The following CDC42EP4 variants were observed in gnomAD, a reference collection of about 807,000 sequenced individuals.
CDC42EP4 encodes the protein CDC42 effector protein (Rho GTPase binding) 4.
Under a neutral mutation model 5.6 loss-of-function variants are expected in CDC42EP4, and 6 were observed. The observed-to-expected ratio is 1.07, with a 90% confidence interval of 0.59 to 2.12. The LOEUF (loss-of-function observed/expected upper bound fraction) is 2.12, where lower values mean the gene tolerates loss of function less well. CDC42EP4 is among the 30% of genes most tolerant of loss of function. The probability of loss-of-function intolerance (pLI) is 0.00; values close to 1 mark genes in which losing one functional copy is unlikely to be tolerated. For synonymous variants in CDC42EP4, 230 were observed against 224.2 expected (o/e 1.03, Z -0.23); for missense variants, 490 against 508.6 (o/e 0.96, Z 0.35).
Position 73,285,370 on chromosome 17 carries a change from T to G in CDC42EP4, c.*60A>C, listed in dbSNP as rs186652181. The G allele has an allele frequency of 4.7e-3, 6,381 of 1,356,740 alleles. 32 individuals carry two copies. The highest frequency in any genetic ancestry group is 9.7e-3 in the Middle Eastern group (51 of 5,284). 84.0% of individuals were successfully genotyped at this position (1,356,740 alleles called of 1,614,324 possible). On this transcript the variant is annotated 3_prime_UTR_variant, in exon 2 of 2. Coordinates refer to ENST00000335793, the MANE Select transcript of CDC42EP4 (RefSeq NM_012121.5). The surrounding 1 kb of genome is among the most constrained non-coding windows in gnomAD (Gnocchi z 6.8). ...TGCGCCGTAGGGTCAAAGGTCATAG[T>G]GGGGTGGGGGCAGGGAGAAGATGCA...
intron 1 of CDC42EP4, among the ~76,000 whole-genome samples, chr17:73,309,038 C>CCAAAAAAAA (rs555502875): frequency 2.9e-5 from 1 of 33,994 alleles, no homozygotes; most frequent in Non-Finnish European, 4.9e-5. Flanking sequence ...GCTCTGTCTC[C>CCAAAAAAAA]AAAAAAAAAA....
rs549810447 is a variant in CDC42EP4, at chr17:73,308,311, C to T, written c.-113+3582G>A. Among the ~76,000 whole-genome samples, 56 of 152,278 alleles carry T rather than the reference C, an allele frequency of 3.7e-4. No individual in the cohort carries two copies. The East Asian group carries it at 6.0e-3, about 16-fold the overall frequency. ...TCCAGTACGTAGGTCAGAAGAGCTACGCAGAGCTCAGGTCAGCTCTGTTTC... is the reference window on the plus strand; with the variant it reads ...TCCAGTACGTAGGTCAGAAGAGCTATGCAGAGCTCAGGTCAGCTCTGTTTC... On this transcript the variant is annotated intron_variant, in intron 1 of 1. Transcript: ENST00000335793.
chr17:73,292,672 G>T (rs1157196562), intron 1 of CDC42EP4, among the ~76,000 whole-genome samples: 1 of 152,244 alleles, frequency 6.6e-6, no homozygotes, highest in Non-Finnish European at 1.5e-5. Flanking sequence ...CAAATGATGA[G>T]AAGGAACCAG....
rs746797027 is a variant in CDC42EP4, at chr17:73,286,452, G to A, written c.49C>T (p.Arg17Cys). 24 of 1,609,804 alleles carry A rather than the reference G, an allele frequency of 1.5e-5. No individual in the cohort carries two copies. Among genetic ancestry groups the A allele is most frequent in the East Asian group, 4.5e-5 (2 of 44,788 alleles). Residue 17 changes from arginine to cysteine, a missense_variant, in exon 2 of 2, where the codon CGT (arginine) becomes TGT (cysteine). Physicochemically the swap from Arg to Cys is radical, Grantham distance 180. Transcript: ENST00000335793. The surrounding 1 kb of genome is among the most constrained non-coding windows in gnomAD (Gnocchi z 7.7). ...TCGGCCGTGAGGTCCGCTCGGGAAC[G>A]GCGCTTGGAGTGCACCGAGCTGGAC... ...LVSSSVHSKR[R>C]SRADLTAEMI...
intron 1 of CDC42EP4, among the ~76,000 whole-genome samples, chr17:73,302,636 C>A (rs947601824): frequency 3.9e-5 from 6 of 152,082 alleles, no homozygotes; most frequent in African/African-American, 1.4e-4. Context: ...CACCATGTTG[C>A]CTAGCCAAGT....
intron 1 of CDC42EP4, among the ~76,000 whole-genome samples, chr17:73,309,112 G>C (rs145922232): frequency 6.9e-6 from 1 of 144,818 alleles, no homozygotes; most frequent in African/African-American, 2.5e-5. Flanking sequence ...TTGAGAGGCC[G>C]AGGTGGGGGA....
intron 1 of CDC42EP4, chr17:73,311,237 G>C (rs898304634): frequency 2.0e-5 from 3 of 152,198 alleles, no homozygotes; most frequent in African/African-American, 4.8e-5. Flanking sequence ...AAGGGTTCGC[G>C]GGGCGGGAGT....
chr17:73,307,021 GCA>G (rs1268320921), intron 1 of CDC42EP4: 1 of 152,284 alleles, frequency 6.6e-6, no homozygotes, highest in African/African-American at 2.4e-5. Flanking sequence ...CTCTGGCTGA[GCA>G]CAGACATCCA....
chr17:73,290,678 C>T (rs185026979), intron 1 of CDC42EP4, among the ~76,000 whole-genome samples: 113 of 152,308 alleles, frequency 7.4e-4, no homozygotes, highest in Non-Finnish European at 1.3e-3. Flanking sequence ...CAGGTATGCT[C>T]ACCAGGTAAA....
chr17:73,292,064 C>T (rs1420006492), intron 1 of CDC42EP4, among the ~76,000 whole-genome samples: 8 of 152,220 alleles, frequency 5.3e-5, no homozygotes, highest in Non-Finnish European at 1.5e-5. Flanking sequence ...AGTGGCCTGT[C>T]CCTGGCAGCT....
intron 1 of CDC42EP4, among the ~76,000 whole-genome samples, chr17:73,303,714 G>A (rs1178895169): frequency 6.6e-6 from 1 of 151,306 alleles, no homozygotes; most frequent in East Asian, 1.9e-4. Flanking sequence ...TTAAAAACAT[G>A]GCTCCTAGAA....
chr17:73,298,962 CTT>C (rs111475787), intron 1 of CDC42EP4, among the ~76,000 whole-genome samples: 9 of 145,172 alleles, frequency 6.2e-5, no homozygotes, highest in Admixed American at 6.9e-5. Context: ...CATCTCACAG[CTT>C]TTTTTTTTTT....
chr17:73,295,872 T>C (rs1390154698), intron 1 of CDC42EP4, among the ~76,000 whole-genome samples: 1 of 139,688 alleles, frequency 7.2e-6, no homozygotes, highest in Non-Finnish European at 1.5e-5. Context: ...GCCATTGCAC[T>C]CCAGCCCAGG....
At chr17:73,305,536 C>T (rs557657725) in intron 1 of CDC42EP4, among the ~76,000 whole-genome samples, 26 of 152,234 alleles carry the variant, frequency 1.7e-4, no homozygotes, top group Non-Finnish European at 2.8e-4. Flanking sequence ...AAACTCCCTC[C>T]AGAGCAGACA....
At chr17:73,287,142 G>T (rs1435059359) in intron 1 of CDC42EP4, among the ~76,000 whole-genome samples, 1 of 152,170 alleles carries the variant, frequency 6.6e-6, no homozygotes, top group African/African-American at 2.4e-5. Flanking sequence ...GACAGGACGG[G>T]CTCAGGGAGA....
intron 1 of CDC42EP4, among the ~76,000 whole-genome samples, chr17:73,305,171 T>G (rs2062238565): frequency 6.6e-6 from 1 of 152,188 alleles, no homozygotes; most frequent in African/African-American, 2.4e-5. Context: ...CTCAAGGACA[T>G]CCGGCAACTT....
chr17:73,305,324 C>T (rs1300696365), intron 1 of CDC42EP4, among the ~76,000 whole-genome samples: 3 of 152,244 alleles, frequency 2.0e-5, no homozygotes, highest in East Asian at 1.9e-4. Context: ...GCTGGGCCCT[C>T]CTCCTCTAGG....
Position 73,284,128 on chromosome 17 carries a change from G to A in CDC42EP4, c.*1302C>T, listed in dbSNP as rs543284776. Reference sequence around the variant, plus strand: ...ATAAGTGTTCCAAATATTGCGTGGGGCATATTAATGCTAGAAAATTATCTT... The same window carrying A: ...ATAAGTGTTCCAAATATTGCGTGGGACATATTAATGCTAGAAAATTATCTT... On this transcript the variant is annotated 3_prime_UTR_variant, in exon 2 of 2. Transcript: ENST00000335793. 3.9e-5 allele frequency: 6 copies of A among 152,300 alleles called. No individual in the cohort carries two copies. Among genetic ancestry groups the A allele is most frequent in the Admixed American group, 1.3e-4 (2 of 15,298 alleles). The allele number at this position is 152,300 out of a possible 1,614,324, so 9.4% of individuals were successfully genotyped here. A position where few individuals can be genotyped will look rare whatever the true frequency, so the allele number is the denominator to read the frequency against.
intron 1 of CDC42EP4, among the ~76,000 whole-genome samples, chr17:73,293,130 G>A (rs918136171): frequency 1.6e-4 from 25 of 152,212 alleles, no homozygotes; most frequent in African/African-American, 5.5e-4. Flanking sequence ...TTACAGGCAT[G>A]AGCCACCGCA....
Sources: gnomAD v4.1 joint callset for allele counts (sites outside exome capture counted in the v4.1 genomes callset) on GRCh38, gnomAD v4.1.1 for gene constraint, Gnocchi (gnomAD v3.1) non-coding constraint, MANE v1.5 for transcripts, NCBI Gene and HGNC (gene_info 2026-07-23, HGNC 2026-07-21) for gene names.